The following MEIS2 variants were observed in gnomAD, a reference collection of about 807,000 sequenced individuals.
MEIS2 encodes the protein Meis homeobox 2, also known as homeobox protein Meis2.
A neutral mutation model predicts 58.6 loss-of-function variants in MEIS2; 9 were observed. The ratio of observed to expected loss-of-function variants is 0.15; its 90% CI spans 0.09 to 0.27. The LOEUF (loss-of-function observed/expected upper bound fraction) is 0.27, where lower values mean the gene tolerates loss of function less well. MEIS2 is among the 10% of genes least tolerant of loss of function. The pLI is 1.00. For synonymous variants in MEIS2, 221 were observed against 228.4 expected, an observed-to-expected ratio of 0.97 and a Z score of 0.29; for missense variants, 427 against 635.0, an observed-to-expected ratio of 0.67 and a Z score of 3.52.
chr15:37,064,013 T>C (rs1038129473), intron 7 of MEIS2, among the ~76,000 whole-genome samples: 1 of 152,156 alleles, frequency 6.6e-6, no homozygotes, highest in Non-Finnish European at 1.5e-5. Flanking sequence ...TATGAAAAAC[T>C]TGATCAGAAG....
intron 8 of MEIS2, among the ~76,000 whole-genome samples, chr15:36,980,621 G>A (rs1480982802): frequency 2.6e-5 from 4 of 151,944 alleles, no homozygotes; most frequent in Non-Finnish European, 4.4e-5. Flanking sequence ...ATGAGATTTG[G>A]GTGGGGACAC....
chr15:37,080,504 AG>A (rs1338565925), intron 7 of MEIS2, among the ~76,000 whole-genome samples: 2 of 152,184 alleles, frequency 1.3e-5, no homozygotes, highest in African/African-American at 2.4e-5. Flanking sequence ...TCTAGGAACA[AG>A]GGGCTGCTTC....
intron 8 of MEIS2, among the ~76,000 whole-genome samples, chr15:36,983,542 C>A (rs560682483): frequency 6.6e-6 from 1 of 152,122 alleles, no homozygotes; most frequent in Non-Finnish European, 1.5e-5. Flanking sequence ...GTTTTGATTA[C>A]TATAGCTTTG....
Position 36,895,211 on chromosome 15 carries a change from C to T in MEIS2, c.1087G>A (p.Gly363Ser). 2 of 1,614,122 alleles carry T rather than the reference C, an allele frequency of 1.2e-6. No individual in the cohort carries two copies. Among genetic ancestry groups the T allele is most frequent in the East Asian group, 2.2e-5 (1 of 44,886 alleles). ...VSQGAAYSPE[G>S]QPMGSFVLDG... Reference sequence around the variant, plus strand: ...AACACAAAGCTCCCCATGGGCTGACCCTCTGGACTATATGCTGCTCCTTGG... The same window carrying T: ...AACACAAAGCTCCCCATGGGCTGACTCTCTGGACTATATGCTGCTCCTTGG... The change falls in exon 11 of 12, where the codon GGT becomes AGT. Residue 363 changes from glycine (G) to serine (S), a missense_variant. Coordinates refer to ENST00000561208, the MANE Select transcript of MEIS2 (RefSeq NM_170675.5).
chr15:36,904,168 A>G (rs1008636092), intron 9 of MEIS2: 1 of 152,082 alleles, frequency 6.6e-6, no homozygotes, highest in Non-Finnish European at 1.5e-5. Context: ...TTTCTTTCCT[A>G]AGGCAGAACC....
At chr15:36,902,768 C>T (rs1179745117) in intron 9 of MEIS2, among the ~76,000 whole-genome samples, 1 of 152,144 alleles carries the variant, frequency 6.6e-6, no homozygotes, top group Non-Finnish European at 1.5e-5. Context: ...TAGATCTAAA[C>T]AGCCTTTTAC....
At chr15:36,973,531 G>T (rs996426444) in intron 8 of MEIS2, among the ~76,000 whole-genome samples, 13 of 152,102 alleles carry the variant, frequency 8.5e-5, no homozygotes, top group African/African-American at 3.1e-4. Context: ...AACTTAGTAG[G>T]TGTTATAAAA....
chr15:37,051,836 G>A (rs1287520426), intron 7 of MEIS2, among the ~76,000 whole-genome samples: 2 of 152,176 alleles, frequency 1.3e-5, no homozygotes, highest in African/African-American at 4.8e-5. Context: ...ATTTATGAAT[G>A]TGTTGATTTA....
At position 36,950,417 on chromosome 15, in the gene MEIS2, T is replaced by C. The variant is rs965117052; in HGVS notation, c.901-17A>G. On this transcript the variant is annotated splice_polypyrimidine_tract_variant and intron_variant, in intron 8 of 11. Transcript: ENST00000561208. Reference sequence around the variant, plus strand: ...GTACGGATGCTAATGGAAAAACAAATGTTTTAAAAGATGGATCAGAAGTTA... The same window carrying C: ...GTACGGATGCTAATGGAAAAACAAACGTTTTAAAAGATGGATCAGAAGTTA... The C allele has an allele frequency of 6.2e-7, 1 of 1,609,060 alleles. No individual in the cohort carries two copies. Among genetic ancestry groups the C allele is most frequent in the African/African-American group, 1.3e-5 (1 of 74,708 alleles).
chr15:36,907,234 C>A, intron 9 of MEIS2, among the ~76,000 whole-genome samples: 1 of 152,206 alleles, frequency 6.6e-6, no homozygotes, highest in East Asian at 1.9e-4. Context: ...AAAAGGGCCT[C>A]CATTAAGTGT....
intron 9 of MEIS2, among the ~76,000 whole-genome samples, chr15:36,919,461 C>T (rs995188949): frequency 2.6e-5 from 4 of 151,826 alleles, no homozygotes; most frequent in Non-Finnish European, 5.9e-5. Flanking sequence ...GCCTGTAATC[C>T]CAGCTACTCA....
chr15:37,092,270 G>C (rs1458035339), intron 6 of MEIS2, among the ~76,000 whole-genome samples: 1 of 152,182 alleles, frequency 6.6e-6, no homozygotes, highest in East Asian at 1.9e-4. Context: ...TCCCATACAA[G>C]TGCAAAGGTT....
chr15:37,058,942 G>GA (rs10706699), intron 7 of MEIS2, among the ~76,000 whole-genome samples: 4 of 151,976 alleles, frequency 2.6e-5, no homozygotes, highest in African/African-American at 9.7e-5. Context: ...ATTACAAATA[G>GA]AAAAAAATGA....
At chr15:36,991,783 CTTTTTTTTT>C (rs11285545) in intron 8 of MEIS2, among the ~76,000 whole-genome samples, 1 of 51,036 alleles carries the variant, frequency 2.0e-5, no homozygotes, top group Non-Finnish European at 3.4e-5. Flanking sequence ...TTTTTTTTTT[CTTTTTTTTT>C]TTTTTTTTTT....
intron 7 of MEIS2, among the ~76,000 whole-genome samples, chr15:37,050,055 G>T (rs2062849146): frequency 6.6e-6 from 1 of 152,050 alleles, no homozygotes; most frequent in Admixed American, 6.6e-5. Context: ...ATGCATTATA[G>T]AACATATATT....
intron 7 of MEIS2, among the ~76,000 whole-genome samples, chr15:37,082,520 C>T (rs1596097247): frequency 1.3e-5 from 2 of 152,060 alleles, no homozygotes; most frequent in South Asian, 4.1e-4. Context: ...TCCATTGACC[C>T]TATGTACCAG....
chr15:37,032,974 A>G (rs2061989036), intron 8 of MEIS2, among the ~76,000 whole-genome samples: 1 of 152,128 alleles, frequency 6.6e-6, no homozygotes, highest in South Asian at 2.1e-4. Flanking sequence ...CAAGTTTGTT[A>G]CCTTTCCCCC....
At chr15:37,098,375 A>AGG (rs1205039042) in intron 1 of MEIS2, 176 bp from the exon 2 acceptor site, 110 of 671,684 alleles carry the variant, frequency 1.6e-4, no homozygotes, top group South Asian at 4.6e-4. Context: ...AAAGGAGGAG[A>AGG]GGGGGAGAGA....
At chr15:37,048,306 A>G (rs576438966) in intron 7 of MEIS2, among the ~76,000 whole-genome samples, 14 of 152,248 alleles carry the variant, frequency 9.2e-5, no homozygotes, top group African/African-American at 3.4e-4. Context: ...TCATACTTTA[A>G]TATTAAATGA....
Sources: gnomAD v4.1 joint callset for allele counts (sites outside exome capture counted in the v4.1 genomes callset) on GRCh38, gnomAD v4.1.1 for gene constraint, MANE v1.5 for transcripts, NCBI Gene and HGNC (gene_info 2026-07-23, HGNC 2026-07-21) for gene names.